The following PLCL2 variants were observed in gnomAD, a reference collection of about 807,000 sequenced individuals.
The protein encoded by PLCL2 is inactive phospholipase C-like protein 2.
Under a neutral mutation model 79.6 loss-of-function variants are expected in PLCL2, and 4 were observed. The ratio of observed to expected loss-of-function variants is 0.05; its 90% CI spans 0.02 to 0.11. PLCL2 has a LOEUF of 0.11. Ranked by LOEUF, PLCL2 falls within the 10% of genes least tolerant of loss-of-function variation. The probability of loss-of-function intolerance (pLI) is 1.00; values close to 1 mark genes in which losing one functional copy is unlikely to be tolerated. For synonymous variants in PLCL2, 484 were observed against 457.7 expected (o/e 1.06, Z -0.73); for missense variants, 895 against 1,291.0 (o/e 0.69, Z 4.70).
At chr3:17,072,563 G>T (rs868424924) in intron 5 of PLCL2, among the ~76,000 whole-genome samples, 1 of 151,784 alleles carries the variant, frequency 6.6e-6, no homozygotes, top group South Asian at 2.1e-4. Flanking sequence ...CAGCTACTTG[G>T]GAGGCTGAGG....
rs749175183 is a variant in PLCL2, at chr3:17,011,975, C to T, written c.2629C>T (p.His877Tyr). Residue 877 changes from histidine to tyrosine, a missense_variant, in exon 2 of 6, where the codon CAC becomes TAC. Transcript: ENST00000615277. This position sits in a 1 kb window ranked among gnomAD's most constrained non-coding sequence, Gnocchi z 7.9. ...EVLAHASLFV[H>Y]VAITNRRGGG... Reference sequence around the variant, plus strand: ...CCTTGCACATGCTTCTTTATTTGTCCACGTGGCTATTACTAACCGAAGAGG... The same window carrying T: ...CCTTGCACATGCTTCTTTATTTGTCTACGTGGCTATTACTAACCGAAGAGG... 7.4e-6 allele frequency: 12 copies of T among 1,613,972 alleles called. No individual in the cohort carries two copies. The African/African-American group carries it at 1.5e-4, about 20-fold the overall frequency.
At chr3:16,995,469 A>G (rs1278542039) in intron 1 of PLCL2, among the ~76,000 whole-genome samples, 1 of 152,188 alleles carries the variant, frequency 6.6e-6, no homozygotes, top group East Asian at 1.9e-4. Context: ...TCCCCTCACA[A>G]CAGAGGCAGG....
intron 1 of PLCL2, among the ~76,000 whole-genome samples, chr3:16,992,429 C>G (rs1290976981): frequency 6.6e-6 from 1 of 152,232 alleles, no homozygotes; most frequent in African/African-American, 2.4e-5. Flanking sequence ...GCTCACCACA[C>G]CTCCGTTATC....
intron 1 of PLCL2, among the ~76,000 whole-genome samples, chr3:16,984,236 T>A (rs1187112964): frequency 6.6e-6 from 1 of 152,154 alleles, no homozygotes; most frequent in Non-Finnish European, 1.5e-5. Flanking sequence ...AATTCTGATA[T>A]TTTTAGAGAA....
At chr3:17,050,186 A>T (rs1256956026) in intron 4 of PLCL2, among the ~76,000 whole-genome samples, 1 of 152,170 alleles carries the variant, frequency 6.6e-6, no homozygotes, top group Non-Finnish European at 1.5e-5. Flanking sequence ...TCAAATCAAA[A>T]TTTAAATCTG....
chr3:17,077,014 T>C (rs2065115098), intron 5 of PLCL2, among the ~76,000 whole-genome samples: 1 of 152,202 alleles, frequency 6.6e-6, no homozygotes, highest in South Asian at 2.1e-4. Flanking sequence ...TTTTCCAGCC[T>C]CTTCCTCTCC....
intron 1 of PLCL2, among the ~76,000 whole-genome samples, chr3:16,979,752 C>G (rs1207335804): frequency 6.8e-6 from 1 of 147,784 alleles, no homozygotes; most frequent in African/African-American, 2.5e-5. Context: ...TACACAGACA[C>G]GGCAACCATC....
intron 1 of PLCL2, among the ~76,000 whole-genome samples, chr3:16,935,541 C>T (rs1055075254): frequency 5.3e-5 from 8 of 151,984 alleles, no homozygotes; most frequent in Non-Finnish European, 1.2e-4. Context: ...CCGGAATTTT[C>T]GGATATGTGT....
chr3:16,939,269 A>G (rs1005301426), intron 1 of PLCL2, among the ~76,000 whole-genome samples: 5 of 152,228 alleles, frequency 3.3e-5, no homozygotes, highest in African/African-American at 7.2e-5. Flanking sequence ...TAATAGGTCT[A>G]TTGATATAGA....
At chr3:17,056,174 A>G (rs966792404) in intron 4 of PLCL2, among the ~76,000 whole-genome samples, 1 of 152,108 alleles carries the variant, frequency 6.6e-6, no homozygotes, top group African/African-American at 2.4e-5. Context: ...GCTGTTTTTA[A>G]CTCTGGCACT....
chr3:16,980,977 A>G (rs919951901), intron 1 of PLCL2, among the ~76,000 whole-genome samples: 1 of 152,254 alleles, frequency 6.6e-6, no homozygotes, highest in Non-Finnish European at 1.5e-5. Flanking sequence ...CCACCAAAAA[A>G]ATACGAAAAC....
chr3:16,995,966 C>T (rs1244663563), intron 1 of PLCL2, among the ~76,000 whole-genome samples: 2 of 152,070 alleles, frequency 1.3e-5, no homozygotes, highest in Admixed American at 6.6e-5. Flanking sequence ...ACCCTTTCAC[C>T]GAAGGCCTAG....
chr3:17,014,722 A>C lies in PLCL2; in HGVS notation c.2829A>C (p.Ser943=), dbSNP rs1272408782. ...CCATTTAACAGAATGCGGTGGTGTCATTCAAGGAGCTGTGTGGCCTCTCCT... is the reference window on the plus strand; with the variant it reads ...CCATTTAACAGAATGCGGTGGTGTCCTTCAAGGAGCTGTGTGGCCTCTCCT... ...LRENMQNAVV[S]FKELCGLSSV... is the part of the protein sequence containing the mutation. The change falls in exon 3 of 6, where the codon TCA becomes TCC. Residue 943 remains serine (S), a synonymous_variant. Coordinates refer to ENST00000615277, the MANE Select transcript of PLCL2 (RefSeq NM_001144382.2). 1.9e-6 allele frequency: 3 copies of C among 1,613,618 alleles called. No homozygotes were observed. The Admixed American group carries it at 5.0e-5, about 27-fold the overall frequency.
intron 1 of PLCL2, among the ~76,000 whole-genome samples, chr3:16,950,094 T>G (rs2124958528): frequency 6.6e-6 from 1 of 152,350 alleles, no homozygotes; most frequent in South Asian, 2.1e-4. Flanking sequence ...ACCTTTGCTC[T>G]TCTTTTCTAA....
At chr3:17,077,072 C>T (rs2065115772) in intron 5 of PLCL2, among the ~76,000 whole-genome samples, 2 of 152,210 alleles carry the variant, frequency 1.3e-5, no homozygotes, top group African/African-American at 4.8e-5. Flanking sequence ...CTGAACTCCA[C>T]ACTCTGTCTT....
chr3:17,071,163 GC>G (rs1280702202), intron 5 of PLCL2, among the ~76,000 whole-genome samples: 1 of 152,146 alleles, frequency 6.6e-6, no homozygotes, highest in Non-Finnish European at 1.5e-5. Flanking sequence ...AGGGTGGCCA[GC>G]CATCCTAGAA....
chr3:17,047,176 G>A (rs1575603210), intron 4 of PLCL2, among the ~76,000 whole-genome samples: 1 of 152,090 alleles, frequency 6.6e-6, no homozygotes, highest in Admixed American at 6.5e-5. Flanking sequence ...AACTAAATTC[G>A]AAGAAAAAAG....
At chr3:16,997,536 T>C (rs934139276) in intron 1 of PLCL2, among the ~76,000 whole-genome samples, 2 of 149,996 alleles carry the variant, frequency 1.3e-5, no homozygotes, top group African/African-American at 4.9e-5. Context: ...TCTTTTCTTT[T>C]TTTTTTTTTT....
chr3:16,943,337 G>T (rs956928676), intron 1 of PLCL2, among the ~76,000 whole-genome samples: 3 of 152,170 alleles, frequency 2.0e-5, no homozygotes, highest in Non-Finnish European at 2.9e-5. Flanking sequence ...GGCCTCCTGA[G>T]TGTTGCTTTA....
Sources: gnomAD v4.1 joint callset for allele counts (sites outside exome capture counted in the v4.1 genomes callset) on GRCh38, gnomAD v4.1.1 for gene constraint, Gnocchi (gnomAD v3.1) non-coding constraint, MANE v1.5 for transcripts, NCBI Gene and HGNC (gene_info 2026-07-23, HGNC 2026-07-21) for gene names.